The following STARD13 variants were observed in gnomAD, a reference collection of about 807,000 sequenced individuals.
The protein encoded by STARD13 is stAR-related lipid transfer protein 13.
In STARD13, 62 loss-of-function variants were observed where a neutral mutation model predicts 106.4. The observed-to-expected ratio is 0.58, with a 90% confidence interval of 0.48 to 0.72. The LOEUF is 0.72. Ranked by LOEUF, STARD13 falls within the 30% of genes least tolerant of loss-of-function variation. The pLI is 0.00. For missense variants in STARD13, 1,387 were observed against 1,424.0 expected (o/e 0.97, Z 0.42); for synonymous variants, 565 against 553.0 (o/e 1.02, Z -0.31).
chr13:33,428,055 G>A, the STARD13 span, among the ~76,000 whole-genome samples: 1 of 152,120 alleles, frequency 6.6e-6, no homozygotes, highest in Admixed American at 6.6e-5. Flanking sequence ...TTTGAGAAAG[G>A]CACTAGGAAC....
At chr13:33,206,029 T>C (rs1160650012) in intron 1 of STARD13, 7 of 985,292 alleles carry the variant, frequency 7.1e-6, no homozygotes, top group Admixed American at 6.1e-5. Context: ...CATTCTAGCC[T>C]GATCAATGGT....
At chr13:33,342,908 C>A (rs1335118528) in intron 1 of STARD13, among the ~76,000 whole-genome samples, 8 of 152,200 alleles carry the variant, frequency 5.3e-5, no homozygotes, top group Admixed American at 5.2e-4. Flanking sequence ...GCACTCTAAC[C>A]AAAGAGCCCC....
At chr13:33,209,684 A>G (rs144866380) in intron 1 of STARD13, among the ~76,000 whole-genome samples, 85 of 152,280 alleles carry the variant, frequency 5.6e-4, no homozygotes, top group African/African-American at 1.9e-3. Context: ...CAAGAAGCGG[A>G]GTCCAAGACA....
chr13:33,292,401 G>T (rs941921780), intron 1 of STARD13, among the ~76,000 whole-genome samples: 3 of 150,996 alleles, frequency 2.0e-5, no homozygotes, highest in African/African-American at 7.3e-5. Context: ...AACCAGCCTG[G>T]GCAACATGGC....
the STARD13 span, among the ~76,000 whole-genome samples, chr13:33,480,820 G>T: frequency 6.6e-6 from 1 of 152,052 alleles, no homozygotes; most frequent in Non-Finnish European, 1.5e-5. Context: ...GAACTCCTTG[G>T]AGAAATGACT....
chr13:33,124,392 T>C (rs549749137), intron 7 of STARD13, among the ~76,000 whole-genome samples: 9 of 152,238 alleles, frequency 5.9e-5, no homozygotes, highest in Non-Finnish European at 1.3e-4. Context: ...CGTGGCTCTA[T>C]TCATTTTAAT....
the STARD13 span, among the ~76,000 whole-genome samples, chr13:33,549,466 C>A: frequency 3.0e-4 from 46 of 152,150 alleles, no homozygotes; most frequent in South Asian, 4.1e-4. Context: ...GGGTGAAGCC[C>A]AGCATTTTAA....
chr13:33,316,681 G>A (rs572255485), intron 1 of STARD13, among the ~76,000 whole-genome samples: 6 of 152,214 alleles, frequency 3.9e-5, no homozygotes, highest in Admixed American at 3.3e-4. Flanking sequence ...CTCTGAATTC[G>A]ATCTCCAATT....
the STARD13 span, among the ~76,000 whole-genome samples, chr13:33,636,019 G>A: frequency 2.6e-5 from 4 of 151,490 alleles, no homozygotes; most frequent in Non-Finnish European, 5.9e-5. Context: ...GTGGGCACCC[G>A]TAATCCCAGC....
chr13:33,195,974 G>A (rs1886586499), intron 1 of STARD13, among the ~76,000 whole-genome samples: 1 of 152,180 alleles, frequency 6.6e-6, no homozygotes, highest in South Asian at 2.1e-4. Context: ...GGTTAAGAAG[G>A]GAGGTAATAG....
At chr13:33,569,988 G>A in the STARD13 span, among the ~76,000 whole-genome samples, 2 of 147,032 alleles carry the variant, frequency 1.4e-5, 1 homozygote, top group Non-Finnish European at 3.0e-5. Flanking sequence ...GGTGACAGGT[G>A]CACTAAAATC....
chr13:33,202,663 G>A (rs1594099958), intron 1 of STARD13, among the ~76,000 whole-genome samples: 1 of 152,234 alleles, frequency 6.6e-6, no homozygotes, highest in Admixed American at 6.5e-5. Context: ...GAATGGTGGT[G>A]GAGAAGGTTT....
At chr13:33,315,577 A>G (rs572713046) in intron 1 of STARD13, among the ~76,000 whole-genome samples, 1 of 152,174 alleles carries the variant, frequency 6.6e-6, no homozygotes, top group Non-Finnish European at 1.5e-5. Flanking sequence ...GGCCTTCTTA[A>G]TTGAGTGAAC....
chr13:33,532,521 T>C, the STARD13 span, among the ~76,000 whole-genome samples: 2 of 152,194 alleles, frequency 1.3e-5, no homozygotes, highest in African/African-American at 4.8e-5. Flanking sequence ...GCATTTCTTC[T>C]GGTCCCTGGA....
intron 1 of STARD13, among the ~76,000 whole-genome samples, chr13:33,250,112 C>A (rs2138281657): frequency 1.3e-5 from 2 of 152,182 alleles, no homozygotes; most frequent in South Asian, 4.1e-4. Flanking sequence ...TAATTATGTT[C>A]TTTTACAGCA....
chr13:33,422,432 C>T, the STARD13 span, among the ~76,000 whole-genome samples: 6 of 151,904 alleles, frequency 3.9e-5, no homozygotes, highest in African/African-American at 1.5e-4. Flanking sequence ...CACTGCTCAG[C>T]GAAATAAAAG....
chr13:33,192,209 AT>A (rs1162027019), intron 1 of STARD13, among the ~76,000 whole-genome samples: 1 of 152,274 alleles, frequency 6.6e-6, no homozygotes, highest in African/African-American at 2.4e-5. Context: ...GGAGATAAAC[AT>A]TGGCTTTAAT....
At chr13:33,465,086 A>T in the STARD13 span, among the ~76,000 whole-genome samples, 3 of 150,446 alleles carry the variant, frequency 2.0e-5, no homozygotes, top group South Asian at 6.3e-4. Context: ...AAAATCTCCC[A>T]CTTTCTTCTT....
At chr13:33,482,548 CTAAG>C in the STARD13 span, among the ~76,000 whole-genome samples, 1 of 152,028 alleles carries the variant, frequency 6.6e-6, no homozygotes. Context: ...TGATGAGGTT[CTAAG>C]TGTTTCTTCC....
Sources: gnomAD v4.1 joint callset for allele counts (sites outside exome capture counted in the v4.1 genomes callset) on GRCh38, gnomAD v4.1.1 for gene constraint, MANE v1.5 for transcripts, NCBI Gene and HGNC (gene_info 2026-07-23, HGNC 2026-07-21) for gene names.